The following SH3BGRL variants were observed in gnomAD, a reference collection of about 807,000 sequenced individuals.
The protein encoded by SH3BGRL is SH3 domain binding glutamate rich protein like, also known as adapter SH3BGRL.
SH3BGRL carries 7 observed loss-of-function variants against 9.8 expected under a neutral mutation model. That is an observed-to-expected ratio of 0.72 (90% CI 0.41 to 1.35). The LOEUF (loss-of-function observed/expected upper bound fraction) is 1.35, where lower values mean the gene tolerates loss of function less well. SH3BGRL is among the 40% of genes most tolerant of loss of function. SH3BGRL has a pLI of 0.01. For synonymous variants in SH3BGRL, 36 were observed against 29.1 expected (o/e 1.24, Z -0.76); for missense variants, 73 against 84.4 (o/e 0.86, Z 0.53).
chrX:81,262,347 G>A (rs2075743791), intron 1 of SH3BGRL, among the ~76,000 whole-genome samples: 1 of 111,693 alleles, frequency 9.0e-6, no homozygotes, highest in South Asian at 3.7e-4. Context: ...CCTATGACAT[G>A]ATGTGATGAG....
intron 3 of SH3BGRL, among the ~76,000 whole-genome samples, chrX:81,296,341 G>A (rs1178726046): frequency 8.9e-6 from 1 of 111,873 alleles, no homozygotes; most frequent in African/African-American, 3.2e-5. Context: ...ATATCAATGA[G>A]TCAGTAGTAT....
intron 1 of SH3BGRL, among the ~76,000 whole-genome samples, chrX:81,230,376 G>A (rs2075629259): frequency 8.9e-6 from 1 of 111,878 alleles, no homozygotes; most frequent in African/African-American, 3.3e-5. Flanking sequence ...ATAAGTGCCA[G>A]GAAGTAAGAG....
intron 1 of SH3BGRL, among the ~76,000 whole-genome samples, chrX:81,227,447 A>G (rs1284068173): frequency 8.9e-6 from 1 of 111,756 alleles, no homozygotes; most frequent in Non-Finnish European, 1.9e-5. Flanking sequence ...ATTTGAGAAC[A>G]GGGGGCCTGT....
At chrX:81,289,789 T>C (rs1423687726) in intron 3 of SH3BGRL, among the ~76,000 whole-genome samples, 3 of 111,519 alleles carry the variant, frequency 2.7e-5, no homozygotes, top group South Asian at 7.6e-4. Flanking sequence ...ACCCAAAAGG[T>C]GGAGGTTGCA....
In SH3BGRL at chrX:81,285,328, G is replaced by A. The variant is rs1280081806; in HGVS notation, c.312+6917G>A. Among the ~76,000 whole-genome samples the A allele has an allele frequency of 2.7e-5, 3 of 111,604 alleles. No homozygotes were observed. In the East Asian group the frequency reaches 8.4e-4, roughly 31 times the overall value. ...AAATTCAGCAAAACTAAAACAAAATGATAATAGTGCTGAGAAGGGTGGATT... is the reference window on the plus strand; with the variant it reads ...AAATTCAGCAAAACTAAAACAAAATAATAATAGTGCTGAGAAGGGTGGATT... On this transcript the variant is annotated intron_variant, in intron 3 of 3. Coordinates refer to ENST00000373212, the MANE Select transcript of SH3BGRL (RefSeq NM_003022.3).
intron 1 of SH3BGRL, among the ~76,000 whole-genome samples, chrX:81,225,914 A>T (rs1013243440): frequency 9.0e-6 from 1 of 111,464 alleles, no homozygotes; most frequent in African/African-American, 3.3e-5. Flanking sequence ...CATAGCTTTC[A>T]TTTCTGTGGT....
chrX:81,270,737 C>T (rs139566717), intron 1 of SH3BGRL, among the ~76,000 whole-genome samples: 1,935 of 111,815 alleles, frequency 0.017, 50 homozygotes, highest in African/African-American at 0.06. Flanking sequence ...AACACCATGT[C>T]GGGAGAACTA....
At chrX:81,287,667 G>A (rs1221058656) in intron 3 of SH3BGRL, among the ~76,000 whole-genome samples, 2 of 110,655 alleles carry the variant, frequency 1.8e-5, no homozygotes, top group African/African-American at 6.6e-5. Flanking sequence ...TGGGGGAGTA[G>A]GGGAGGGACA....
At chrX:81,253,388 C>G (rs186844321) in intron 1 of SH3BGRL, among the ~76,000 whole-genome samples, 179 of 110,991 alleles carry the variant, frequency 1.6e-3, no homozygotes, top group Non-Finnish European at 2.7e-3. Context: ...TAGTCTTGCT[C>G]TGTTACCTGG....
intron 3 of SH3BGRL, among the ~76,000 whole-genome samples, chrX:81,288,798 T>A (rs1356212348): frequency 9.0e-6 from 1 of 111,611 alleles, no homozygotes. Context: ...CATAAAAAAT[T>A]GAAAAAATAT....
At chrX:81,232,877 T>C (rs2075637166) in intron 1 of SH3BGRL, among the ~76,000 whole-genome samples, 1 of 111,619 alleles carries the variant, frequency 9.0e-6, no homozygotes, top group South Asian at 3.7e-4. Flanking sequence ...TTATTTAAAC[T>C]TTTGATATTT....
At chrX:81,281,118 A>C (rs2075815450) in intron 3 of SH3BGRL, among the ~76,000 whole-genome samples, 1 of 111,143 alleles carries the variant, frequency 9.0e-6, no homozygotes, top group Admixed American at 9.6e-5. Context: ...AATCCAACAA[A>C]GACAAAGAAA....
At chrX:81,211,520 G>C (rs945351452) in intron 1 of SH3BGRL, among the ~76,000 whole-genome samples, 1 of 110,528 alleles carries the variant, frequency 9.0e-6, no homozygotes, top group Non-Finnish European at 1.9e-5. Flanking sequence ...CCGGGAGGCG[G>C]AGCTTGCAGT....
chrX:81,293,484 A>G (rs1444433424), intron 3 of SH3BGRL, among the ~76,000 whole-genome samples: 2 of 111,464 alleles, frequency 1.8e-5, no homozygotes, highest in Admixed American at 1.9e-4. Context: ...GGAGTTTGAG[A>G]CCAGCCTGGC....
intron 1 of SH3BGRL, among the ~76,000 whole-genome samples, chrX:81,204,753 C>A (rs1458861547): frequency 9.0e-6 from 1 of 111,654 alleles, no homozygotes; most frequent in Non-Finnish European, 1.9e-5. Flanking sequence ...ACCCAAGAGG[C>A]GGAGCTTGCG....
At chrX:81,205,440 T>TTG (rs1292397496) in intron 1 of SH3BGRL, among the ~76,000 whole-genome samples, 1 of 101,776 alleles carries the variant, frequency 9.8e-6, no homozygotes, top group Non-Finnish European at 2.1e-5. Flanking sequence ...ATATTTTATT[T>TTG]TGTGTGTGTA....
At chrX:81,235,866 A>G (rs752385853) in intron 1 of SH3BGRL, among the ~76,000 whole-genome samples, 15 of 111,386 alleles carry the variant, frequency 1.3e-4, no homozygotes, top group African/African-American at 4.6e-4. Context: ...GTCTTAAACC[A>G]TTGGAGTGCT....
chrX:81,297,119 T>C (rs2075877820), intron 3 of SH3BGRL, 76 bp from the exon 4 acceptor site: 1 of 862,591 alleles, frequency 1.2e-6, no homozygotes. Flanking sequence ...GGAACTAATG[T>C]AGTCTGACTA....
intron 3 of SH3BGRL, among the ~76,000 whole-genome samples, chrX:81,284,198 A>T (rs995480029): frequency 1.8e-5 from 2 of 111,619 alleles, no homozygotes; most frequent in South Asian, 3.7e-4. Flanking sequence ...TCCCATGCTC[A>T]TGGATGGATA....
Sources: gnomAD v4.1 joint callset for allele counts (sites outside exome capture counted in the v4.1 genomes callset) on GRCh38, gnomAD v4.1.1 for gene constraint, MANE v1.5 for transcripts, NCBI Gene and HGNC (gene_info 2026-07-23, HGNC 2026-07-21) for gene names.